The following MYO16 variants were observed in gnomAD, a reference collection of about 807,000 sequenced individuals.
MYO16 encodes the protein myosin XVI.
A neutral mutation model predicts 205.3 loss-of-function variants in MYO16; 94 were observed. The observed-to-expected ratio is 0.46, with a 90% confidence interval of 0.39 to 0.54. MYO16 has a LOEUF of 0.54. Among genes scored for constraint, MYO16 ranks in the 20% least tolerant of loss-of-function variants. MYO16 has a pLI of 0.00. For missense variants in MYO16, 2,315 were observed against 2,387.5 expected (o/e 0.97, Z 0.63); for synonymous variants, 988 against 954.0 (o/e 1.04, Z -0.66).
intron 7 of MYO16, among the ~76,000 whole-genome samples, chr13:108,812,788 A>C (rs1288178469): frequency 1.3e-5 from 2 of 152,104 alleles, no homozygotes; most frequent in Non-Finnish European, 2.9e-5. Flanking sequence ...GATTAATACG[A>C]CTATAAAAAG....
At position 108,806,714 on chromosome 13, in the gene MYO16, G is replaced by A. The variant is rs750241942; in HGVS notation, c.777G>A (p.Val259=). 2.5e-6 allele frequency: 4 copies of A among 1,613,074 alleles called. No homozygotes were observed. The highest frequency in any genetic ancestry group is 3.3e-5 in the Admixed American group (2 of 59,990). ...HMACASGYKE[V]VSLILEHGGD... The stretch of plus-strand genomic sequence containing the variant: ...CGTGTGCGAGTGGCTACAAGGAGGT[G>A]GTGTCTCTTATCCTGGAACATGGTG... The change falls in exon 7 of 35, where the codon GTG becomes GTA. Residue 259 remains valine, a synonymous_variant. Transcript: ENST00000457511.
At chr13:109,153,557 G>A (rs1877804348) in intron 32 of MYO16, among the ~76,000 whole-genome samples, 1 of 152,130 alleles carries the variant, frequency 6.6e-6, no homozygotes, top group African/African-American at 2.4e-5. Context: ...TCAGGAGTTT[G>A]TGATCAGCCT....
chr13:108,669,406 C>T (rs1469280774), intron 2 of MYO16, among the ~76,000 whole-genome samples: 6 of 151,458 alleles, frequency 4.0e-5, no homozygotes, highest in African/African-American at 1.5e-4. Flanking sequence ...CAGGAATGGA[C>T]ACAGAAAGTA....
chr13:108,650,803 G>A (rs905475037), intron 1 of MYO16, among the ~76,000 whole-genome samples: 2 of 152,194 alleles, frequency 1.3e-5, no homozygotes, highest in South Asian at 2.1e-4. Context: ...AATGGCAGGG[G>A]CATTTAGGAA....
At chr13:108,749,520 T>C in intron 4 of MYO16, among the ~76,000 whole-genome samples, 1 of 152,106 alleles carries the variant, frequency 6.6e-6, no homozygotes, top group Non-Finnish European at 1.5e-5. Context: ...CAAAAGATGC[T>C]CAGTAGCATT....
intron 5 of MYO16, among the ~76,000 whole-genome samples, chr13:108,789,011 T>G (rs1886538794): frequency 6.6e-6 from 1 of 152,214 alleles, no homozygotes; most frequent in Admixed American, 6.5e-5. Context: ...CTCACCCTTT[T>G]GCTTGTGTTG....
At chr13:109,106,131 T>C (rs1889116969) in intron 28 of MYO16, among the ~76,000 whole-genome samples, 2 of 152,268 alleles carry the variant, frequency 1.3e-5, no homozygotes, top group African/African-American at 2.4e-5. Context: ...CTTCTAGTGC[T>C]GTTTTCTGTC....
chr13:108,802,231 C>G (rs576125199), intron 6 of MYO16, among the ~76,000 whole-genome samples: 20 of 152,128 alleles, frequency 1.3e-4, no homozygotes, highest in Non-Finnish European at 2.8e-4. Flanking sequence ...CGACCAACAA[C>G]TCTTCATTTT....
Position 109,019,836 on chromosome 13 carries a change from C to T in MYO16, c.2721C>T (p.Pro907=). Residue 907 remains proline (P), a synonymous_variant, in exon 23 of 35, where the codon CCC becomes CCT. Transcript: ENST00000457511. ...ESSNTNAVYS[P]MKDGNGNVAL... is the part of the protein sequence containing the mutation. ...CAAACACAAATGCGGTGTACTCCCC[C>T]ATGAAGGATGGGAATGGGAATGTTG... The T allele has an allele frequency of 6.2e-7, 1 of 1,614,112 alleles. No homozygotes were observed. Among genetic ancestry groups the T allele is most frequent in the Non-Finnish European group, 8.5e-7 (1 of 1,180,008 alleles).
chr13:108,504,729 G>A, the MYO16 span, among the ~76,000 whole-genome samples: 2 of 151,038 alleles, frequency 1.3e-5, no homozygotes, highest in Non-Finnish European at 2.9e-5. Flanking sequence ...AGAGACGGGG[G>A]TTTCACCATG....
chr13:108,585,302 A>G, the MYO16 span, among the ~76,000 whole-genome samples: 1 of 152,230 alleles, frequency 6.6e-6, no homozygotes, highest in African/African-American at 2.4e-5. Context: ...TTGGTTCAGA[A>G]AGGCGAGACA....
intron 9 of MYO16, 94 bp from the exon 10 acceptor site, chr13:108,844,249 C>A: frequency 2.0e-6 from 2 of 979,342 alleles, no homozygotes; most frequent in Non-Finnish European, 1.4e-6. Flanking sequence ...CTGAATAAAA[C>A]CACCGTCATA....
intron 4 of MYO16, among the ~76,000 whole-genome samples, chr13:108,731,419 T>C (rs1490664204): frequency 3.3e-5 from 5 of 152,220 alleles, no homozygotes; most frequent in African/African-American, 1.2e-4. Context: ...TCCTTTTACA[T>C]ATTCTAGACT....
intron 23 of MYO16, among the ~76,000 whole-genome samples, chr13:109,045,947 C>T (rs1887026924): frequency 6.6e-6 from 1 of 152,054 alleles, no homozygotes; most frequent in Admixed American, 6.5e-5. Context: ...TCTTATACTC[C>T]CGCATGGCCG....
intron 34 of MYO16, among the ~76,000 whole-genome samples, chr13:109,184,106 T>C (rs1167289738): frequency 6.6e-6 from 1 of 152,188 alleles, no homozygotes; most frequent in Admixed American, 6.5e-5. Flanking sequence ...TGTGGAAATA[T>C]TTAGTTTAAT....
chr13:108,924,208 G>C (rs976776733), intron 16 of MYO16, among the ~76,000 whole-genome samples: 9 of 152,196 alleles, frequency 5.9e-5, no homozygotes, highest in Non-Finnish European at 1.2e-4. Flanking sequence ...TGTGCAAAGT[G>C]TCACGAGATA....
At chr13:108,607,506 A>G (rs967079980) in intron 1 of MYO16, among the ~76,000 whole-genome samples, 1 of 152,104 alleles carries the variant, frequency 6.6e-6, no homozygotes, top group South Asian at 2.1e-4. Flanking sequence ...TGCCATATGA[A>G]GAAGGACATG....
chr13:109,127,626 C>G lies in MYO16; in HGVS notation c.4051+76C>G. ...TGACTTCGCCTTGGGGCGCCCATGG[C>G]AGTACTGTCGCCCTAATGTATTCTT... On this transcript the variant is annotated intron_variant, in intron 31 of 34. Transcript: ENST00000457511. This position sits in a 1 kb window ranked among gnomAD's most constrained non-coding sequence, Gnocchi z 4.2. The G allele has an allele frequency of 6.8e-7, 1 of 1,472,404 alleles. No individual in the cohort carries two copies. Among genetic ancestry groups the G allele is most frequent in the South Asian group, 1.2e-5 (1 of 84,290 alleles). 91.2% of individuals were successfully genotyped at this position (1,472,404 alleles called of 1,614,324 possible). A position where few individuals can be genotyped will look rare whatever the true frequency, so the allele number is the denominator to read the frequency against.
intron 12 of MYO16, among the ~76,000 whole-genome samples, chr13:108,881,150 C>T (rs1027849741): frequency 6.6e-6 from 1 of 152,174 alleles, no homozygotes; most frequent in Admixed American, 6.5e-5. Flanking sequence ...TTTTCTGCAG[C>T]CTCTGCTGGT....
Sources: allele counts gnomAD v4.1 joint callset (sites outside exome capture counted in the v4.1 genomes callset), GRCh38; gene constraint gnomAD v4.1.1; non-coding constraint Gnocchi (gnomAD v3.1); transcripts MANE v1.5; gene names NCBI Gene and HGNC (gene_info 2026-07-23, HGNC 2026-07-21).